PCCA: variants seen among roughly 807,000 people sequenced by gnomAD.
The protein encoded by PCCA is propionyl-CoA carboxylase subunit alpha.
Under a neutral mutation model 101.3 loss-of-function variants are expected in PCCA, and 74 were observed. That is an observed-to-expected ratio of 0.73 (90% confidence interval 0.61 to 0.89). The LOEUF (loss-of-function observed/expected upper bound fraction) is 0.89. PCCA is among the 40% of genes least tolerant of loss of function. The probability of loss-of-function intolerance (pLI) is 0.00; values close to 1 mark genes in which losing one functional copy is unlikely to be tolerated. For synonymous variants in PCCA, 294 were observed against 313.6 expected, an observed-to-expected ratio of 0.94 and a Z score of 0.66; for missense variants, 891 against 907.0, an observed-to-expected ratio of 0.98 and a Z score of 0.23.
intron 12 of PCCA, among the ~76,000 whole-genome samples, chr13:100,275,682 T>C (rs2063603222): frequency 6.6e-6 from 1 of 152,022 alleles, no homozygotes; most frequent in Admixed American, 6.5e-5. Context: ...CCTTTTTCCT[T>C]TTTTTTTCTT....
intron 18 of PCCA, among the ~76,000 whole-genome samples, chr13:100,367,927 C>T (rs9585418): frequency 0.031 from 4,631 of 151,728 alleles, 227 homozygotes; most frequent in African/African-American, 0.11. Flanking sequence ...CATTGCACTC[C>T]AGCCCGGGCG....
intron 6 of PCCA, among the ~76,000 whole-genome samples, chr13:100,182,706 G>A (rs1441541515): frequency 2.0e-4 from 31 of 152,002 alleles, no homozygotes; most frequent in Admixed American, 2.0e-3. Context: ...GGCCCTGTTG[G>A]AACATGCTGA....
intron 12 of PCCA, among the ~76,000 whole-genome samples, chr13:100,293,658 T>C (rs1486319295): frequency 6.6e-6 from 1 of 152,168 alleles, no homozygotes; most frequent in African/African-American, 2.4e-5. Flanking sequence ...AATGTTGACC[T>C]TTTTGATTGT....
intron 21 of PCCA, among the ~76,000 whole-genome samples, chr13:100,485,180 C>A (rs1174843014): frequency 6.6e-6 from 1 of 152,148 alleles, no homozygotes. Flanking sequence ...AAGCTGTTCC[C>A]ACCCCATTGC....
chr13:100,516,736 C>CGTGTGT (rs3840000), intron 22 of PCCA, among the ~76,000 whole-genome samples: 27,903 of 144,942 alleles, frequency 0.19, 2,948 homozygotes, highest in East Asian at 0.35. Context: ...AGAAAAATTA[C>CGTGTGT]GTGTGTGTGT....
In PCCA at chr13:100,171,652, G is replaced by C. The variant is rs866429889; in HGVS notation, c.468+14312G>C. 2.8e-4 allele frequency among the ~76,000 whole-genome samples: 43 copies of C among 152,318 alleles called. 1 individual carries two copies. Among genetic ancestry groups the C allele is most frequent in the South Asian group, 4.1e-4 (2 of 4,828 alleles). On this transcript the variant is annotated intron_variant, in intron 6 of 23. Transcript: ENST00000376285. ...GCCTGTAATCCTAGCAGTTCGGGAG[G>C]CTGAAGCCAGAGGATCACTTGAGTC...
chr13:100,286,298 G>A (rs369973819), intron 12 of PCCA, among the ~76,000 whole-genome samples: 6 of 152,272 alleles, frequency 3.9e-5, no homozygotes, highest in African/African-American at 1.4e-4. Flanking sequence ...GCACACACTC[G>A]GACAAGGGAG....
intron 16 of PCCA, among the ~76,000 whole-genome samples, chr13:100,326,836 T>TAA (rs1566939387): frequency 6.6e-6 from 1 of 152,174 alleles, no homozygotes; most frequent in Non-Finnish European, 1.5e-5. Flanking sequence ...TTAATATATA[T>TAA]AATATATAAA....
At chr13:100,354,435 C>T (rs1007196989) in intron 18 of PCCA, among the ~76,000 whole-genome samples, 92 of 151,646 alleles carry the variant, frequency 6.1e-4, no homozygotes, top group African/African-American at 2.2e-3. Flanking sequence ...GGATCAATTA[C>T]CTTATCTTCC....
At chr13:100,375,563 A>G (rs1038172472) in intron 19 of PCCA, among the ~76,000 whole-genome samples, 5 of 152,154 alleles carry the variant, frequency 3.3e-5, no homozygotes, top group South Asian at 2.1e-4. Context: ...TTGGGTTCAT[A>G]TATATTTAGG....
At chr13:100,279,970 T>A (rs952893474) in intron 12 of PCCA, among the ~76,000 whole-genome samples, 1 of 151,602 alleles carries the variant, frequency 6.6e-6, no homozygotes, top group Non-Finnish European at 1.5e-5. Flanking sequence ...GATTGAACTT[T>A]CACTTTTTCC....
intron 11 of PCCA, 109 bp from the exon 12 acceptor site, chr13:100,273,087 A>G (rs1381241950): frequency 1.2e-5 from 9 of 755,722 alleles, no homozygotes; most frequent in East Asian, 2.7e-5. Flanking sequence ...TTAAATTGGT[A>G]TAGATGATCT....
intron 20 of PCCA, among the ~76,000 whole-genome samples, chr13:100,436,007 C>T (rs1254183558): frequency 1.3e-5 from 2 of 151,604 alleles, no homozygotes; most frequent in African/African-American, 2.4e-5. Flanking sequence ...CGAGCCATTG[C>T]ACTCCAGCTT....
chr13:100,437,232 C>T (rs2080001578), intron 20 of PCCA, among the ~76,000 whole-genome samples: 1 of 152,194 alleles, frequency 6.6e-6, no homozygotes, highest in Non-Finnish European at 1.5e-5. Flanking sequence ...GAACCACCCG[C>T]ACCTGCTTTA....
intron 16 of PCCA, among the ~76,000 whole-genome samples, chr13:100,321,058 C>T (rs886923835): frequency 6.6e-6 from 1 of 152,134 alleles, no homozygotes; most frequent in Non-Finnish European, 1.5e-5. Context: ...GTTACCATAG[C>T]CTTAGCTACT....
intron 7 of PCCA, among the ~76,000 whole-genome samples, chr13:100,211,193 T>C (rs963229028): frequency 2.0e-5 from 3 of 152,216 alleles, no homozygotes; most frequent in African/African-American, 4.8e-5. Context: ...TCTCACAGTT[T>C]AGTGGGAAAG....
intron 9 of PCCA, among the ~76,000 whole-genome samples, chr13:100,260,519 C>A (rs560924458): frequency 6.6e-6 from 1 of 151,866 alleles, no homozygotes; most frequent in South Asian, 2.1e-4. Context: ...GCCTCAGCCT[C>A]CCAAGTAGCT....
intron 9 of PCCA, among the ~76,000 whole-genome samples, chr13:100,260,350 G>A (rs993232020): frequency 2.7e-5 from 4 of 150,648 alleles, no homozygotes; most frequent in African/African-American, 9.7e-5. Flanking sequence ...AGTTTTACCT[G>A]CAGTGTTGTA....
chr13:100,466,905 C>G (rs536960523), intron 21 of PCCA, among the ~76,000 whole-genome samples: 3 of 152,264 alleles, frequency 2.0e-5, no homozygotes, highest in Admixed American at 2.0e-4. Context: ...TACAGTTCAC[C>G]ATGGCCAAAA....
Sources: allele counts gnomAD v4.1 joint callset (sites outside exome capture counted in the v4.1 genomes callset), GRCh38; gene constraint gnomAD v4.1.1; transcripts MANE v1.5; gene names NCBI Gene and HGNC (gene_info 2026-07-23, HGNC 2026-07-21).